DYNLT1: variants seen among roughly 807,000 people sequenced by gnomAD.
DYNLT1 encodes T-complex testis-specific protein 1 homolog.
A neutral mutation model predicts 19.6 loss-of-function variants in DYNLT1; 18 were observed. That is an observed-to-expected ratio of 0.92 (90% confidence interval 0.64 to 1.36). The LOEUF is 1.36. DYNLT1 is among the 40% of genes most tolerant of loss of function. The pLI, the probability that DYNLT1 is intolerant of heterozygous loss-of-function variation, is 0.00. For synonymous variants in DYNLT1, 56 were observed against 44.0 expected, an observed-to-expected ratio of 1.27 and a Z score of -1.07; for missense variants, 137 against 139.3, an observed-to-expected ratio of 0.98 and a Z score of 0.08.
intron 1 of DYNLT1, among the ~76,000 whole-genome samples, chr6:158,644,145 G>T (rs1266554385): frequency 6.6e-6 from 1 of 152,052 alleles, no homozygotes; most frequent in African/African-American, 2.4e-5. Flanking sequence ...CAGCGTTGCA[G>T]AACCAGGTGA....
intron 2 of DYNLT1, among the ~76,000 whole-genome samples, chr6:158,638,240 C>T (rs60821717): frequency 2.0e-5 from 3 of 151,982 alleles, no homozygotes; most frequent in African/African-American, 7.3e-5. Flanking sequence ...CTAACATACA[C>T]TAATACTATA....
chr6:158,637,254 A>G (rs779180781), intron 3 of DYNLT1, 49 bp from the exon 4 acceptor site: 23 of 1,542,192 alleles, frequency 1.5e-5, no homozygotes, highest in Non-Finnish European at 2.0e-5. Context: ...GGTAACACAA[A>G]TGTCATTCTG....
intron 1 of DYNLT1, among the ~76,000 whole-genome samples, chr6:158,643,630 C>T (rs1417432977): frequency 6.6e-6 from 1 of 152,044 alleles, no homozygotes; most frequent in African/African-American, 2.4e-5. Flanking sequence ...TACAGGCATG[C>T]GCCACCACGC....
chr6:158,644,682 C>T lies in DYNLT1; in HGVS notation c.27G>A (p.Glu9=). 5 of 1,612,190 alleles carry T rather than the reference C, an allele frequency of 3.1e-6. No homozygotes were observed. Among genetic ancestry groups the T allele is most frequent in the Non-Finnish European group, 4.2e-6 (5 of 1,179,710 alleles). MEDYQAAE[E]TAFVVDEVSN... ...CTTCCGTCGCCGACCCGGCGGTTAC[C>T]TCCTCCGCAGCCTGGTAGTCTTCCA... The change falls in exon 1 of 5, where the codon GAG becomes GAA. Residue 9 remains glutamate (E), a splice_region_variant and synonymous_variant. Coordinates refer to ENST00000367089, the MANE Select transcript of DYNLT1 (RefSeq NM_006519.4).
At chr6:158,637,515 C>A in intron 3 of DYNLT1, 1 of 638,232 alleles carries the variant, frequency 1.6e-6, no homozygotes, top group Non-Finnish European at 2.8e-6. Flanking sequence ...GGGCTGTCCA[C>A]ACTTCCTCTA....
At chr6:158,638,759 T>C (rs140942227) in intron 2 of DYNLT1, among the ~76,000 whole-genome samples, 1,848 of 152,340 alleles carry the variant, frequency 0.012, 23 homozygotes, top group Non-Finnish European at 0.02. Flanking sequence ...AGCCCAACTT[T>C]TTTTCTTTAT....
Position 158,636,653 on chromosome 6 carries a change from A to G in DYNLT1, c.*174T>C. On this transcript the variant is annotated 3_prime_UTR_variant, in exon 5 of 5. Transcript: ENST00000367089. ...CAGGCTGCAGGTGACCTACAGGGATACTCATCTGACTTCGGTGCCATTCAC... is the reference window on the plus strand; with the variant it reads ...CAGGCTGCAGGTGACCTACAGGGATGCTCATCTGACTTCGGTGCCATTCAC... The G allele has an allele frequency of 3.2e-6, 2 of 633,556 alleles. No homozygotes were observed. Among genetic ancestry groups the G allele is most frequent in the East Asian group, 2.9e-5 (1 of 34,998 alleles). The allele number at this position is 633,556 out of a possible 1,614,324, so 39.2% of individuals were successfully genotyped here.
intron 2 of DYNLT1, among the ~76,000 whole-genome samples, chr6:158,640,915 G>A (rs373779554): frequency 2.6e-5 from 4 of 152,272 alleles, no homozygotes; most frequent in African/African-American, 9.6e-5. Flanking sequence ...TGAAATTTAG[G>A]AATGTAAGAA....
chr6:158,639,969 G>C (rs1554232616), intron 2 of DYNLT1, among the ~76,000 whole-genome samples: 1 of 152,112 alleles, frequency 6.6e-6, no homozygotes, highest in Non-Finnish European at 1.5e-5. Flanking sequence ...GTGAGCCATC[G>C]CGCCCAGCAT....
At chr6:158,640,198 G>A (rs1278027490) in intron 2 of DYNLT1, among the ~76,000 whole-genome samples, 1 of 152,106 alleles carries the variant, frequency 6.6e-6, no homozygotes, top group Non-Finnish European at 1.5e-5. Flanking sequence ...ATCCTGCAAA[G>A]CAACCAGAAA....
intron 2 of DYNLT1, among the ~76,000 whole-genome samples, chr6:158,640,736 C>T (rs970779689): frequency 6.6e-6 from 1 of 152,216 alleles, no homozygotes; most frequent in Non-Finnish European, 1.5e-5. Flanking sequence ...CAAATGCAGG[C>T]TGACACCTTC....
intron 1 of DYNLT1, among the ~76,000 whole-genome samples, 176 bp downstream of exon 1, chr6:158,644,506 G>A (rs929537762): frequency 6.6e-6 from 1 of 152,200 alleles, no homozygotes; most frequent in African/African-American, 2.4e-5. Context: ...CGGCGGCAAT[G>A]TCCGGGCAGA....
At chr6:158,644,368 G>A (rs562633671) in intron 1 of DYNLT1, among the ~76,000 whole-genome samples, 163 of 152,260 alleles carry the variant, frequency 1.1e-3, no homozygotes, top group African/African-American at 3.8e-3. Context: ...TTGGCTGCGG[G>A]CCGGAGGCGA....
At chr6:158,640,634 T>G (rs1054889886) in intron 2 of DYNLT1, among the ~76,000 whole-genome samples, 41 of 152,196 alleles carry the variant, frequency 2.7e-4, no homozygotes, top group Middle Eastern at 3.2e-3. Context: ...TCTGCAGATT[T>G]CAGCTCGAAA....
intron 3 of DYNLT1, 97 bp from the exon 4 acceptor site, chr6:158,637,302 G>A (rs2128336946): frequency 1.1e-5 from 12 of 1,074,092 alleles, no homozygotes; most frequent in Non-Finnish European, 1.5e-5. Context: ...GTAGCTCCAC[G>A]TGGTTGATGT....
At chr6:158,639,037 TGAGGGCCAAGG>T (rs1787081832) in intron 2 of DYNLT1, among the ~76,000 whole-genome samples, 1 of 152,186 alleles carries the variant, frequency 6.6e-6, no homozygotes, top group Admixed American at 6.5e-5. Context: ...CAACATTCAG[TGAGGGCCAAGG>T]TCTGTCCTCA....
intron 2 of DYNLT1, among the ~76,000 whole-genome samples, chr6:158,639,622 C>G (rs1238976526): frequency 6.6e-6 from 1 of 152,220 alleles, no homozygotes; most frequent in Non-Finnish European, 1.5e-5. Context: ...GCCAGTGACA[C>G]AAGTTCAAGT....
chr6:158,639,701 GAC>G (rs950738022), intron 2 of DYNLT1, among the ~76,000 whole-genome samples: 20 of 152,218 alleles, frequency 1.3e-4, no homozygotes, highest in Non-Finnish European at 1.9e-4. Context: ...GTTTTTTTAA[GAC>G]AGAGTCTTGC....
At chr6:158,640,861 C>T (rs921577668) in intron 2 of DYNLT1, among the ~76,000 whole-genome samples, 2 of 152,186 alleles carry the variant, frequency 1.3e-5, no homozygotes, top group Non-Finnish European at 2.9e-5. Context: ...ACAAACATCC[C>T]TTCTGTCTCT....
Sources: allele counts gnomAD v4.1 joint callset (sites outside exome capture counted in the v4.1 genomes callset), GRCh38; gene constraint gnomAD v4.1.1; transcripts MANE v1.5; gene names NCBI Gene and HGNC (gene_info 2026-07-23, HGNC 2026-07-21).